The following IFI30 variants were observed in gnomAD, a reference collection of about 807,000 sequenced individuals.
IFI30 encodes the protein IFI30 lysosomal thiol reductase.
In IFI30, 26 loss-of-function variants were observed where a neutral mutation model predicts 30.1. The observed-to-expected ratio is 0.87, with a 90% CI of 0.63 to 1.20. IFI30 has a LOEUF of 1.20. Ranked by LOEUF, IFI30 falls within the 50% of genes most tolerant of loss-of-function variation. IFI30 has a pLI of 0.00. For missense variants in IFI30, 296 were observed against 312.5 expected (o/e 0.95, Z 0.40); for synonymous variants, 149 against 134.5 (o/e 1.11, Z -0.75).
At position 18,173,861 on chromosome 19, in the gene IFI30, T is replaced by C. The variant is rs1171126540; in HGVS notation, c.20T>C (p.Leu7Pro). MTLSPL[L>P]LFLPPLLLLL... ...GCTGCGATGACCCTGTCGCCACTTC[T>C]GCTGTTCCTGCCACCGCTGCTGCTG... The change falls in exon 1 of 7, where the codon CTG (leucine) becomes CCG (proline). Residue 7 changes from leucine to proline, a missense_variant. Coordinates refer to ENST00000407280, the MANE Select transcript of IFI30 (RefSeq NM_006332.5). 1.9e-6 allele frequency: 3 copies of C among 1,549,398 alleles called. No individual in the cohort carries two copies. Among genetic ancestry groups the C allele is most frequent in the South Asian group, 2.4e-5 (2 of 84,038 alleles).
At position 18,175,180 on chromosome 19, in the gene IFI30, G is replaced by A. The variant is rs771403137; in HGVS notation, c.273G>A (p.Met91Ile). ...TCTTCCCAACATGGCTGTTGGTCAT[G>A]GAGATCCTCAATGTCACGCTGGTGC... ...RELFPTWLLV[M>I]EILNVTLVPY... Residue 91 changes from methionine to isoleucine, a missense_variant, in exon 2 of 7, where the codon ATG (methionine) becomes ATA (isoleucine). Coordinates refer to ENST00000407280, the MANE Select transcript of IFI30 (RefSeq NM_006332.5). 29 of 1,601,534 alleles carry A rather than the reference G, an allele frequency of 1.8e-5. No individual in the cohort carries two copies. In the South Asian group the frequency reaches 3.1e-4, roughly 17 times the overall value.
At position 18,173,985 on chromosome 19, in the gene IFI30, G is replaced by T. The variant is rs1435068711; in HGVS notation, c.132+12G>T. On this transcript the variant is annotated intron_variant, in intron 1 of 6. Coordinates refer to ENST00000407280, the MANE Select transcript of IFI30 (RefSeq NM_006332.5). ...CAGTTAACTACAAGGTAGGGACGGC[G>T]ACAGGGCGGGCAGGCTGGAGGGAAC... 3.2e-6 allele frequency: 5 copies of T among 1,547,658 alleles called. No individual in the cohort carries two copies. The highest frequency in any genetic ancestry group is 1.4e-5 in the African/African-American group (1 of 72,866).
rs1238800356 is a variant in IFI30, at chr19:18,174,290, G to A, written c.132+317G>A. The A allele has an allele frequency of 1.1e-5, 3 of 269,984 alleles. No homozygotes were observed. The East Asian group carries it at 2.5e-4, about 22-fold the overall frequency. The allele number at this position is 269,984 out of a possible 1,614,324, so 16.7% of individuals were successfully genotyped here. On this transcript the variant is annotated intron_variant, in intron 1 of 6. Transcript: ENST00000407280. ...TCTCCTTTTGTGGCCCAGGGCACAA[G>A]TTCAGCAGCTGGCCAAGGGCCGCCG...
rs755776437 is a variant in IFI30, at chr19:18,177,764, G to A, written c.690G>A (p.Gln230=). 3.7e-6 allele frequency: 6 copies of A among 1,613,656 alleles called. No homozygotes were observed. In the East Asian group the frequency reaches 1.1e-4, roughly 30 times the overall value. ...QLLTLVCQLY[Q]GKKPDVCPSS... ...TTACCCTTGTCTGCCAGTTGTACCA[G>A]GTAAGCTGGGAGGGGAGCAGTGGGA... The change falls in exon 6 of 7, where the codon CAG becomes CAA. Residue 230 remains glutamine (Q), a splice_region_variant and synonymous_variant. Transcript: ENST00000407280.
Position 18,177,995 on chromosome 19 carries a change from C to T in IFI30, c.*84C>T. The T allele has an allele frequency of 7.1e-7, 1 of 1,406,232 alleles. No homozygotes were observed. The highest frequency in any genetic ancestry group is 9.8e-7 in the Non-Finnish European group (1 of 1,019,012). 87.1% of individuals were successfully genotyped at this position (1,406,232 alleles called of 1,614,324 possible). On this transcript the variant is annotated 3_prime_UTR_variant, in exon 7 of 7. Transcript: ENST00000407280. ...TTTTTCTGATCCAGACCCTCGGCAC[C>T]TGCTACTTACCAACTGGAAAATTTT...
Position 18,175,843 on chromosome 19 carries a change from A to T in IFI30, c.483+146A>T, listed in dbSNP as rs1967263857. The T allele has an allele frequency of 5.3e-6, 3 of 561,820 alleles. No homozygotes were observed. The South Asian group carries it at 7.2e-5, about 13-fold the overall frequency. The allele number at this position is 561,820 out of a possible 1,614,324, so 34.8% of individuals were successfully genotyped here. On this transcript the variant is annotated intron_variant, in intron 4 of 6. Transcript: ENST00000407280. ...ACAACTACCCTTCTTTATTTTATTT[A>T]TTTTTTTATTTTTTCTTGAGACAGA...
At position 18,175,166 on chromosome 19, in the gene IFI30, T is replaced by C; in HGVS notation, c.259T>C (p.Trp87Arg). 6.2e-7 allele frequency: 1 copy of C among 1,606,058 alleles called. No individual in the cohort carries two copies. The highest frequency in any genetic ancestry group is 8.5e-7 in the Non-Finnish European group (1 of 1,176,318). Residue 87 changes from tryptophan (W) to arginine (R), a missense_variant, in exon 2 of 7, where the codon TGG becomes CGG. By Grantham distance (101) the Trp-to-Arg change is moderately radical (BLOSUM62 -3). Coordinates refer to ENST00000407280, the MANE Select transcript of IFI30 (RefSeq NM_006332.5). ...AFLIRELFPT[W>R]LLVMEILNVT... is the part of the protein sequence containing the mutation. Reference sequence around the variant, plus strand: ...CCTGATCCGGGAGCTCTTCCCAACATGGCTGTTGGTCATGGAGATCCTCAA... The same window carrying C: ...CCTGATCCGGGAGCTCTTCCCAACACGGCTGTTGGTCATGGAGATCCTCAA...
rs1284235513 is a variant in IFI30, at chr19:18,174,081, G to T, written c.132+108G>T. 5 of 1,087,640 alleles carry T rather than the reference G, an allele frequency of 4.6e-6. No individual in the cohort carries two copies. In the South Asian group the frequency reaches 6.6e-5, roughly 14 times the overall value. 67.4% of individuals were successfully genotyped at this position (1,087,640 alleles called of 1,614,324 possible). On this transcript the variant is annotated intron_variant, in intron 1 of 6. Transcript: ENST00000407280. ...CACAGGGGAAGACCAGGGCCCCGAG[G>T]GGACGCTGTCCCTGCCGGGTTCCTG...
At chr19:18,174,969 C>T (rs1025293588) in intron 1 of IFI30, 71 bp from the exon 2 acceptor site, 2 of 1,264,098 alleles carry the variant, frequency 1.6e-6, no homozygotes, top group Admixed American at 2.1e-5. Flanking sequence ...TACAAGACTA[C>T]CAAGTGGGGT....
rs1318620473 is a variant in IFI30 at position 18,173,986 on chromosome 19, A to T, written c.132+13A>T. On this transcript the variant is annotated intron_variant, in intron 1 of 6. Coordinates refer to ENST00000407280, the MANE Select transcript of IFI30 (RefSeq NM_006332.5). The stretch of plus-strand genomic sequence containing the variant: ...AGTTAACTACAAGGTAGGGACGGCG[A>T]CAGGGCGGGCAGGCTGGAGGGAACA... The T allele has an allele frequency of 3.9e-6, 6 of 1,547,552 alleles. No homozygotes were observed. Among genetic ancestry groups the T allele is most frequent in the African/African-American group, 1.4e-5 (1 of 72,850 alleles).
rs1188967543 is a variant in IFI30, at chr19:18,177,052, G to A, written c.484-88G>A. 14 of 1,364,664 alleles carry A rather than the reference G, an allele frequency of 1.0e-5. No homozygotes were observed. The East Asian group carries it at 1.5e-4, about 15-fold the overall frequency. 84.5% of individuals were successfully genotyped at this position (1,364,664 alleles called of 1,614,324 possible). The stretch of plus-strand genomic sequence containing the variant: ...CCAACTGTACCCTCTTCTCAGTGAC[G>A]AAACAGGCTTGGCTCAGGGCTGGTG... On this transcript the variant is annotated intron_variant, in intron 4 of 6. Coordinates refer to ENST00000407280, the MANE Select transcript of IFI30 (RefSeq NM_006332.5).
Position 18,175,707 on chromosome 19 carries a change from GC to G in IFI30, c.483+14del. The G allele has an allele frequency of 6.3e-7, 1 of 1,591,148 alleles. No homozygotes were observed. The highest frequency in any genetic ancestry group is 8.6e-7 in the Non-Finnish European group (1 of 1,167,088). On this transcript the variant is annotated intron_variant, in intron 4 of 6. Transcript: ENST00000407280. ...GAGAAGTCTGCCACTAGTGAGTGAC[GC>G]CCCTCACTCCACCCAAGGAGGGGGA...
chr19:18,175,822 C>T, intron 4 of IFI30, 125 bp downstream of exon 4: 1 of 627,722 alleles, frequency 1.6e-6, no homozygotes, highest in Non-Finnish European at 2.8e-6. Flanking sequence ...AGGAAAACAA[C>T]TACCCTTCTT....
In IFI30 at chr19:18,175,147, C is replaced by T. The variant is rs1967251955; in HGVS notation, c.240C>T (p.Ile80=). ...GCGGTGGCTGCCGAGCCTTCCTGATCCGGGAGCTCTTCCCAACATGGCTGT... is the reference window on the plus strand; with the variant it reads ...GCGGTGGCTGCCGAGCCTTCCTGATTCGGGAGCTCTTCCCAACATGGCTGT... ...ALCGGCRAFL[I]RELFPTWLLV... Residue 80 remains isoleucine, a synonymous_variant, in exon 2 of 7, where the codon ATC becomes ATT. Transcript: ENST00000407280. 6.2e-7 allele frequency: 1 copy of T among 1,610,742 alleles called. No homozygotes were observed. Among genetic ancestry groups the T allele is most frequent in the Non-Finnish European group, 8.5e-7 (1 of 1,178,480 alleles).
At chr19:18,174,646 G>A (rs1264893729) in intron 1 of IFI30, 1 of 182,154 alleles carries the variant, frequency 5.5e-6, no homozygotes, top group Non-Finnish European at 1.2e-5. Context: ...GTCTGAGGCA[G>A]GCAGATCACG....
intron 1 of IFI30, chr19:18,174,226 A>C: frequency 2.2e-6 from 1 of 444,616 alleles, no homozygotes. Context: ...CAAGGGTTCA[A>C]TGAGCGCCTA....
chr19:18,177,884 C>A lies in IFI30; in HGVS notation c.726C>A (p.Ser242Arg). 1 of 1,596,116 alleles carries A rather than the reference C, an allele frequency of 6.3e-7. No individual in the cohort carries two copies. The highest frequency in any genetic ancestry group is 1.7e-5 in the Admixed American group (1 of 57,188). Residue 242 changes from serine (S) to arginine (R), a missense_variant, in exon 7 of 7, where the codon AGC becomes AGA. Transcript: ENST00000407280. ...KKPDVCPSST[S>R]SLRSVCFK ...CGGATGTCTGCCCTTCCTCAACCAG[C>A]TCCCTCAGGAGTGTTTGCTTCAAGT...
At position 18,177,013 on chromosome 19, in the gene IFI30, G is replaced by A. The variant is rs546727339; in HGVS notation, c.484-127G>A. The A allele has an allele frequency of 3.3e-4, 330 of 988,774 alleles. 1 individual carries two copies. In the African/African-American group the frequency reaches 4.7e-3, roughly 14 times the overall value. 61.3% of individuals were successfully genotyped at this position (988,774 alleles called of 1,614,324 possible). A position where few individuals can be genotyped will look rare whatever the true frequency, so the allele number is the denominator to read the frequency against. On this transcript the variant is annotated intron_variant, in intron 4 of 6. Coordinates refer to ENST00000407280, the MANE Select transcript of IFI30 (RefSeq NM_006332.5). Reference sequence around the variant, plus strand: ...GCACCTGCTGTTTGTGGGCTTTGTCGCATCACTGTGAAGCCAACTGTACCC... The same window carrying A: ...GCACCTGCTGTTTGTGGGCTTTGTCACATCACTGTGAAGCCAACTGTACCC...
chr19:18,177,227 A>G lies in IFI30; in HGVS notation c.571A>G (p.Asn191Asp). ...CCGCGGCATGCAGCTCATGCACGCC[A>G]ACGCCCAGCGGACAGATGCTCTCCA... ...GDRGMQLMHANAQRTDALQPP... is the reference protein window; with the variant it reads ...GDRGMQLMHADAQRTDALQPP... The change falls in exon 5 of 7, where the codon AAC becomes GAC. Residue 191 changes from asparagine (N) to aspartate (D), a missense_variant. By Grantham distance (23) the Asn-to-Asp change is conservative. Transcript: ENST00000407280. The G allele has an allele frequency of 6.3e-7, 1 of 1,588,734 alleles. No individual in the cohort carries two copies. The highest frequency in any genetic ancestry group is 8.6e-7 in the Non-Finnish European group (1 of 1,167,838).
Sources: allele counts gnomAD v4.1 joint callset, GRCh38; gene constraint gnomAD v4.1.1; transcripts MANE v1.5; gene names NCBI Gene and HGNC (gene_info 2026-07-23, HGNC 2026-07-21).